The following DCLRE1C variants were observed in gnomAD, a reference collection of about 807,000 sequenced individuals.
DCLRE1C encodes protein artemis.
DCLRE1C carries 47 observed loss-of-function variants against 61.4 expected under a neutral mutation model. That is an observed-to-expected ratio of 0.77 (90% CI 0.61 to 0.98). The LOEUF is 0.98. Among genes scored for constraint, DCLRE1C ranks in the 50% least tolerant of loss-of-function variants. The probability of loss-of-function intolerance (pLI) is 0.00; values close to 1 mark genes in which losing one functional copy is unlikely to be tolerated. For missense variants in DCLRE1C, 858 were observed against 816.0 expected (o/e 1.05, Z -0.63); for synonymous variants, 337 against 287.6 (o/e 1.17, Z -1.74).
At chr10:14,897,370 G>C in exon 14 of DCLRE1C, 1 of 1,613,140 alleles carries the variant, frequency 6.2e-7, no homozygotes, top group Non-Finnish European at 8.5e-7. Flanking sequence ...CAAGGTGTCA[G>C]TGTGGTCCTG....
chr10:14,911,472 A>G (rs1469680113), intron 13 of DCLRE1C: 1 of 152,236 alleles, frequency 6.6e-6, no homozygotes, highest in Non-Finnish European at 1.5e-5. Context: ...TATGGCATTC[A>G]AAAACAAATT....
In DCLRE1C at chr10:14,927,037, C is replaced by G; in HGVS notation, c.918-140G>C. 6 of 716,066 alleles carry G rather than the reference C, an allele frequency of 8.4e-6. No individual in the cohort carries two copies. In the South Asian group the frequency reaches 9.3e-5, roughly 11 times the overall value. The allele number at this position is 716,066 out of a possible 1,614,324, so 44.4% of individuals were successfully genotyped here. A position where few individuals can be genotyped will look rare whatever the true frequency, so the allele number is the denominator to read the frequency against. The stretch of plus-strand genomic sequence containing the variant: ...TTCAGCAGCAAGTGTCGAAATCACC[C>G]TAAATCAGGAATTTCTTCTTGGGAT... On this transcript the variant is annotated intron_variant, in intron 10 of 13. Transcript: ENST00000378278.
chr10:14,941,380 G>A (rs1840829259), intron 3 of DCLRE1C, among the ~76,000 whole-genome samples: 1 of 152,096 alleles, frequency 6.6e-6, no homozygotes. Context: ...AAACTTCGGG[G>A]CTCAAGTGAT....
In DCLRE1C at chr10:14,945,825, A is replaced by AT. The variant is rs1841597086; in HGVS notation, c.162-637dup. On this transcript the variant is annotated intron_variant, in intron 2 of 13. Transcript: ENST00000378278. ...AAGCACGCGCCATGATGCCGGACTA[A>AT]TTTTTGTATTTTTGTAGAGATGGAG... Among the ~76,000 whole-genome samples, 5 of 150,502 alleles carry AT rather than the reference A, an allele frequency of 3.3e-5. No individual in the cohort carries two copies. In the South Asian group the frequency reaches 8.4e-4, roughly 25 times the overall value.
At chr10:14,919,916 T>G in intron 12 of DCLRE1C, 84 bp from the exon 13 acceptor site, 1 of 1,168,840 alleles carries the variant, frequency 8.6e-7, no homozygotes, top group Admixed American at 1.8e-5. Flanking sequence ...CAAATTTTTT[T>G]GATTTTGTTT....
At chr10:14,943,610 T>C (rs1343670727) in intron 3 of DCLRE1C, among the ~76,000 whole-genome samples, 1 of 152,208 alleles carries the variant, frequency 6.6e-6, no homozygotes, top group East Asian at 1.9e-4. Context: ...TGGAGTGTAG[T>C]GGCACGATCT....
chr10:14,928,786 G>GTTT (rs1295642325), intron 9 of DCLRE1C, among the ~76,000 whole-genome samples: 4 of 133,630 alleles, frequency 3.0e-5, no homozygotes, highest in Admixed American at 7.6e-5. Context: ...GGTGTATGGT[G>GTTT]TTTTTTTTTT....
intron 11 of DCLRE1C, among the ~76,000 whole-genome samples, chr10:14,924,154 G>A (rs1262834613): frequency 6.6e-6 from 1 of 152,242 alleles, no homozygotes; most frequent in Non-Finnish European, 1.5e-5. Flanking sequence ...GCCGCAGGCT[G>A]TGTGCTCACG....
At chr10:14,899,637 A>G (rs758378629), downstream of DCLRE1C, 1 of 1,614,102 alleles carries the variant, frequency 6.2e-7, no homozygotes, top group African/African-American at 1.3e-5. Flanking sequence ...ATGAATTCAC[A>G]GTGGATGCGG....
chr10:14,927,980 G>A, intron 10 of DCLRE1C, 36 bp downstream of exon 10: 2 of 1,610,272 alleles, frequency 1.2e-6, no homozygotes, highest in Non-Finnish European at 1.7e-6. Flanking sequence ...TTTACTCAAA[G>A]TTTCTCTCAG....
intron 10 of DCLRE1C, among the ~76,000 whole-genome samples, chr10:14,927,711 C>G (rs888940142): frequency 1.3e-5 from 2 of 152,244 alleles, no homozygotes; most frequent in African/African-American, 2.4e-5. Flanking sequence ...AGTCACTCCT[C>G]TGCTCCACCA....
chr10:14,949,146 A>G, intron 1 of DCLRE1C, 59 bp from the exon 2 acceptor site: 1 of 1,201,088 alleles, frequency 8.3e-7, no homozygotes, highest in Non-Finnish European at 1.2e-6. Flanking sequence ...CCTTAGCCCA[A>G]GGGAAACAGT....
At chr10:14,952,651 G>C (rs930979329) in intron 1 of DCLRE1C, among the ~76,000 whole-genome samples, 2 of 152,054 alleles carry the variant, frequency 1.3e-5, no homozygotes, top group African/African-American at 4.8e-5. Context: ...AACTACTTGA[G>C]CAGAGAGCAT....
intron 1 of DCLRE1C, 96 bp from the exon 2 acceptor site, chr10:14,949,183 A>C: frequency 1.2e-6 from 1 of 845,568 alleles, no homozygotes; most frequent in East Asian, 2.6e-5. Flanking sequence ...TTCAAGAGAA[A>C]ACCCATGAGG....
chr10:14,933,087 G>T, intron 8 of DCLRE1C, 132 bp from the exon 9 acceptor site: 1 of 958,576 alleles, frequency 1.0e-6, no homozygotes, highest in Non-Finnish European at 1.6e-6. Flanking sequence ...GTAGTTTTTG[G>T]CTATTCAGTG....
intron 11 of DCLRE1C, chr10:14,923,330 C>T (rs1837435741): frequency 2.3e-6 from 1 of 434,444 alleles, no homozygotes; most frequent in South Asian, 2.4e-5. Flanking sequence ...TGATTCTGAT[C>T]CACAGTAAGA....
chr10:14,954,218 T>G, upstream of DCLRE1C: 1 of 747,002 alleles, frequency 1.3e-6, no homozygotes, highest in Non-Finnish European at 2.2e-6. Flanking sequence ...TGGGTTTAAA[T>G]CACCCGCGCT....
chr10:14,927,019 G>C (rs551850536), intron 10 of DCLRE1C, 122 bp from the exon 11 acceptor site: 4 of 780,354 alleles, frequency 5.1e-6, no homozygotes, highest in Non-Finnish European at 8.7e-6. Flanking sequence ...CGCTTCAGCA[G>C]CAAGTGTCGA....
At chr10:14,945,620 AG>A (rs1224471906) in intron 2 of DCLRE1C, 1 of 988,732 alleles carries the variant, frequency 1.0e-6, no homozygotes, top group African/African-American at 1.8e-5. Flanking sequence ...TGTTGAGAAC[AG>A]AAACTTCTGC....
Sources: gnomAD v4.1 joint callset for allele counts (sites outside exome capture counted in the v4.1 genomes callset) on GRCh38, gnomAD v4.1.1 for gene constraint, MANE v1.5 for transcripts, NCBI Gene and HGNC (gene_info 2026-07-23, HGNC 2026-07-21) for gene names.